The following FAM120A variants were observed in gnomAD, a reference collection of about 807,000 sequenced individuals.
FAM120A encodes the protein family with sequence similarity 120 member A.
A neutral mutation model predicts 109.7 loss-of-function variants in FAM120A; 15 were observed. That is an observed-to-expected ratio of 0.14 (90% CI 0.09 to 0.21). The LOEUF is 0.21. Among genes scored for constraint, FAM120A ranks in the 10% least tolerant of loss-of-function variants. FAM120A has a pLI of 1.00. For synonymous variants in FAM120A, 493 were observed against 572.8 expected, an observed-to-expected ratio of 0.86 and a Z score of 1.99; for missense variants, 899 against 1,439.3, an observed-to-expected ratio of 0.62 and a Z score of 6.07.
At chr9:93,522,016 G>A (rs1426652459) in intron 7 of FAM120A, among the ~76,000 whole-genome samples, 1 of 152,152 alleles carries the variant, frequency 6.6e-6, no homozygotes, top group African/African-American at 2.4e-5. Context: ...GGAGGTGGAG[G>A]TTGCAATGAG....
intron 10 of FAM120A, among the ~76,000 whole-genome samples, chr9:93,542,825 G>A (rs922951974): frequency 6.6e-6 from 1 of 152,174 alleles, no homozygotes; most frequent in Admixed American, 6.5e-5. Flanking sequence ...TATCCAAATT[G>A]GATTTTGCAT....
At chr9:93,537,342 T>C (rs1171510712) in intron 10 of FAM120A, among the ~76,000 whole-genome samples, 1 of 152,154 alleles carries the variant, frequency 6.6e-6, no homozygotes, top group Admixed American at 6.5e-5. Flanking sequence ...TAAAAGATTG[T>C]AGAGTAATAA....
intron 10 of FAM120A, among the ~76,000 whole-genome samples, chr9:93,541,647 A>G (rs1364958394): frequency 1.3e-5 from 2 of 152,194 alleles, no homozygotes; most frequent in African/African-American, 4.8e-5. Context: ...TCAAATGTAA[A>G]TGAAAGACAT....
intron 1 of FAM120A, among the ~76,000 whole-genome samples, chr9:93,454,413 G>C (rs919526489): frequency 5.3e-5 from 8 of 152,028 alleles, no homozygotes; most frequent in African/African-American, 1.9e-4. Context: ...ACAGTGATGT[G>C]GGGGGTTGGC....
Position 93,451,839 on chromosome 9 carries a change from G to T in FAM120A, c.-77G>T, listed in dbSNP as rs1857233703. The T allele has an allele frequency of 1.3e-6, 1 of 745,058 alleles. No homozygotes were observed. The highest frequency in any genetic ancestry group is 1.5e-6 in the Non-Finnish European group (1 of 645,784). The allele number at this position is 745,058 out of a possible 1,614,324, so 46.2% of individuals were successfully genotyped here. ...GGCCGCCGCCCCCGCCCGCCAGCCCGCCCGCGCGCCACGGCCCCACCACCC... is the reference window on the plus strand; with the variant it reads ...GGCCGCCGCCCCCGCCCGCCAGCCCTCCCGCGCGCCACGGCCCCACCACCC... On this transcript the variant is annotated 5_prime_UTR_variant, in exon 1 of 18. Transcript: ENST00000277165.
At position 93,500,758 on chromosome 9, in the gene FAM120A, A is replaced by G. The variant is rs1859766239; in HGVS notation, c.1030+1872A>G. Among the ~76,000 whole-genome samples, 1 of 152,144 alleles carries G rather than the reference A, an allele frequency of 6.6e-6. No individual in the cohort carries two copies. The highest frequency in any genetic ancestry group is 2.1e-4 in the South Asian group (1 of 4,830). ...ATCAGTTAAGGTGAGGCATTATGGG[A>G]CCAGATCTCAGTGTGTCTACTGTAT... On this transcript the variant is annotated intron_variant, in intron 5 of 17. Coordinates refer to ENST00000277165, the MANE Select transcript of FAM120A (RefSeq NM_014612.5). The surrounding 1 kb of genome is among the most constrained non-coding windows in gnomAD (Gnocchi z 4.6).
intron 5 of FAM120A, among the ~76,000 whole-genome samples, chr9:93,511,784 T>C (rs1860333654): frequency 6.6e-6 from 1 of 152,202 alleles, no homozygotes; most frequent in East Asian, 1.9e-4. Flanking sequence ...AATCATACAA[T>C]GTCTGCCTGT....
Position 93,466,666 on chromosome 9 carries a change from G to T in FAM120A, c.475-4475G>T, listed in dbSNP as rs543256212. Among the ~76,000 whole-genome samples the T allele has an allele frequency of 1.1e-4, 16 of 152,116 alleles. No individual in the cohort carries two copies. The East Asian group carries it at 2.9e-3, about 28-fold the overall frequency. On this transcript the variant is annotated intron_variant, in intron 1 of 17. Transcript: ENST00000277165. ...CTACAGGTGCTACTGCTGCTTGGGGGTCCGTGTAAGGAGATCTGTGTGAAC... is the reference window on the plus strand; with the variant it reads ...CTACAGGTGCTACTGCTGCTTGGGGTTCCGTGTAAGGAGATCTGTGTGAAC...
intron 12 of FAM120A, among the ~76,000 whole-genome samples, chr9:93,552,449 C>T (rs981477270): frequency 8.6e-5 from 13 of 151,950 alleles, no homozygotes; most frequent in African/African-American, 2.7e-4. Context: ...GTCTGGAGGT[C>T]GACAGTTCCC....
intron 3 of FAM120A, among the ~76,000 whole-genome samples, chr9:93,494,006 A>T (rs1859459277): frequency 6.6e-6 from 1 of 152,204 alleles, no homozygotes; most frequent in Non-Finnish European, 1.5e-5. Context: ...GGTCTGACAC[A>T]TGCGGTTTAA....
At position 93,497,601 on chromosome 9, in the gene FAM120A, T is replaced by A. The variant is rs866704608; in HGVS notation, c.933+2T>A. The A allele has an allele frequency of 5.3e-6, 7 of 1,317,148 alleles. No individual in the cohort carries two copies. The allele number at this position is 1,317,148 out of a possible 1,614,324, so 81.6% of individuals were successfully genotyped here. ...AAAGATGTTTTCCAGCATTCACAGG[T>A]AAAAAAAAAAACAAACAAAACAAAA... On this transcript the variant is annotated splice_donor_variant, in intron 4 of 17. Coordinates refer to ENST00000277165, the MANE Select transcript of FAM120A (RefSeq NM_014612.5). LOFTEE classifies it high-confidence loss of function.
At chr9:93,524,616 T>A (rs1261974276) in intron 7 of FAM120A, among the ~76,000 whole-genome samples, 1 of 152,140 alleles carries the variant, frequency 6.6e-6, no homozygotes, top group African/African-American at 2.4e-5. Context: ...CATTCTCACA[T>A]ATGTGTGAAA....
chr9:93,560,547 T>C (rs1272962669), intron 15 of FAM120A, among the ~76,000 whole-genome samples: 2 of 152,232 alleles, frequency 1.3e-5, no homozygotes, highest in East Asian at 3.8e-4. Flanking sequence ...TTTGTTTGCT[T>C]ATTTTTTTGT....
In FAM120A at chr9:93,561,256, T is replaced by C. The variant is rs1251264074; in HGVS notation, c.2948+6T>C. The stretch of plus-strand genomic sequence containing the variant: ...GTCGGAGGACCAGCTAGAGGGTAAG[T>C]TCTGAGCCACGAAAATGTCTTTTGT... On this transcript the variant is annotated splice_donor_region_variant and intron_variant, in intron 16 of 17. Coordinates refer to ENST00000277165, the MANE Select transcript of FAM120A (RefSeq NM_014612.5). 1 of 1,601,548 alleles carries C rather than the reference T, an allele frequency of 6.2e-7. No homozygotes were observed. Among genetic ancestry groups the C allele is most frequent in the Non-Finnish European group, 8.5e-7 (1 of 1,176,428 alleles).
chr9:93,563,936 T>G (rs1369504125), intron 17 of FAM120A, among the ~76,000 whole-genome samples: 1 of 152,214 alleles, frequency 6.6e-6, no homozygotes, highest in African/African-American at 2.4e-5. Context: ...TTTGTTACTT[T>G]AAACAATTTA....
At chr9:93,457,422 A>G (rs866976448) in intron 1 of FAM120A, among the ~76,000 whole-genome samples, 16 of 151,960 alleles carry the variant, frequency 1.1e-4, no homozygotes, top group Non-Finnish European at 2.1e-4. Context: ...TGATTGCACT[A>G]TACGTTATTC....
In FAM120A at chr9:93,550,675, A is replaced by C. The variant is rs1270779395; in HGVS notation, c.2258A>C (p.Gln753Pro). The C allele has an allele frequency of 2.5e-6, 4 of 1,613,658 alleles. No homozygotes were observed. The South Asian group carries it at 3.3e-5, about 13-fold the overall frequency. Residue 753 changes from glutamine to proline, a missense_variant, in exon 12 of 18, where the codon CAG becomes CCG. Gln to Pro is a moderately conservative substitution (Grantham distance 76). Transcript: ENST00000277165. ...TCCCCCAAACTCTACGAGCCTGATC[A>C]GCTCCAGGAGCTCAAGGTAATTTAT... ...ALSPKLYEPD[Q>P]LQELKIENLD...
At chr9:93,556,654 T>C in intron 13 of FAM120A, 63 bp downstream of exon 13, 1 of 1,475,138 alleles carries the variant, frequency 6.8e-7, no homozygotes. Context: ...TGGTTAAATC[T>C]GTCATCTTTT....
chr9:93,462,682 C>A (rs1857846843), intron 1 of FAM120A, among the ~76,000 whole-genome samples: 1 of 152,210 alleles, frequency 6.6e-6, no homozygotes, highest in Admixed American at 6.5e-5. Flanking sequence ...ACCCACTAAA[C>A]TGTAATTCCC....
Sources: gnomAD v4.1 joint callset for allele counts (sites outside exome capture counted in the v4.1 genomes callset) on GRCh38, gnomAD v4.1.1 for gene constraint, Gnocchi (gnomAD v3.1) non-coding constraint, MANE v1.5 for transcripts, NCBI Gene and HGNC (gene_info 2026-07-23, HGNC 2026-07-21) for gene names.